The following CDKN2A variants were observed in gnomAD, a reference collection of about 807,000 sequenced individuals.
CDKN2A encodes the protein cyclin dependent kinase inhibitor 2A, also known as cyclin-dependent kinase inhibitor 2A.
In CDKN2A, 3 loss-of-function variants were observed where a neutral mutation model predicts 11.1. The observed-to-expected ratio is 0.27, with a 90% CI of 0.12 to 0.70. CDKN2A has a LOEUF of 0.70. CDKN2A is among the 30% of genes least tolerant of loss of function. CDKN2A has a pLI of 0.77. For synonymous variants in CDKN2A, 122 were observed against 108.1 expected, an observed-to-expected ratio of 1.13 and a Z score of -0.80; for missense variants, 265 against 233.6, an observed-to-expected ratio of 1.13 and a Z score of -0.88.
chr9:21,978,176 G>C (rs574382131), upstream of CDKN2A, among the ~76,000 whole-genome samples: 102 of 150,968 alleles, frequency 6.8e-4, no homozygotes, highest in African/African-American at 2.5e-3. Context: ...TAAATGATGA[G>C]TTGATGGGTG....
upstream of CDKN2A, among the ~76,000 whole-genome samples, chr9:21,977,580 T>C (rs3731234): frequency 6.6e-6 from 1 of 152,052 alleles, no homozygotes; most frequent in Non-Finnish European, 1.5e-5. Flanking sequence ...TGGCTAGGCT[T>C]GTCTCGAACT....
At chr9:21,989,554 G>T (rs1259210323) in intron 2 of CDKN2A, 3 of 152,152 alleles carry the variant, frequency 2.0e-5, no homozygotes, top group African/African-American at 4.8e-5. Flanking sequence ...TCTCCATCTG[G>T]CTTGGAAGGG....
intron 1 of CDKN2A, chr9:21,994,518 C>CCCCACCCCACCCCCACT: frequency 7.6e-7 from 1 of 1,323,794 alleles, no homozygotes; most frequent in Non-Finnish European, 1.0e-6. Context: ...TCACCCCCAC[C>CCCCACCCCACCCCCACT]CCCACCCCAC....
chr9:21,980,008 G>A (rs887705935), intron 2 of CDKN2A, among the ~76,000 whole-genome samples: 25 of 152,116 alleles, frequency 1.6e-4, no homozygotes, highest in South Asian at 1.5e-3. Context: ...GTTCTGATGC[G>A]GCATTGTAGG....
chr9:21,974,344 CTTT>C lies in CDKN2A; in HGVS notation c.150+331_150+333del. 7.0e-7 allele frequency: 1 copy of C among 1,423,596 alleles called. No individual in the cohort carries two copies. Among genetic ancestry groups the C allele is most frequent in the Non-Finnish European group, 9.4e-7 (1 of 1,067,586 alleles). 88.2% of individuals were successfully genotyped at this position (1,423,596 alleles called of 1,614,324 possible). The stretch of plus-strand genomic sequence containing the variant: ...AGTAGTCCCAGCACATCTTACATTT[CTTT>C]AAGACTCCCTTTTTATCCCAAACGT... On this transcript the variant is annotated intron_variant, in intron 1 of 2. Transcript: ENST00000304494. The surrounding 1 kb of genome is among the most constrained non-coding windows in gnomAD (Gnocchi z 5.2).
Position 21,971,575 on chromosome 9 carries a change from A to ATTTTTTTTTTTTTTTTTTTTTTTTT in CDKN2A, c.151-368_151-367insAAAAAAAAAAAAAAAAAAAAAAAAA, listed in dbSNP as rs59981968. ...TCCTGAAATTATGTTAGGCCTGGAG[A>ATTTTTTTTTTTTTTTTTTTTTTTTT]TTTTTTTTTTTTTTTTTGTTCACTG... On this transcript the variant is annotated intron_variant, in intron 1 of 2. Transcript: ENST00000304494. 2.3e-3 allele frequency among the ~76,000 whole-genome samples: 258 copies of ATTTTTTTTTTTTTTTTTTTTTTTTT among 111,322 alleles called. 14 individuals carry two copies. Among genetic ancestry groups the ATTTTTTTTTTTTTTTTTTTTTTTTT allele is most frequent in the African/African-American group, 6.7e-3 (154 of 22,882 alleles). 73.0% of individuals were successfully genotyped at this position (111,322 alleles called of 152,430 possible).
chr9:21,975,537 C>T (rs1001915360), upstream of CDKN2A, among the ~76,000 whole-genome samples: 1 of 152,106 alleles, frequency 6.6e-6, no homozygotes, highest in Non-Finnish European at 1.5e-5. Flanking sequence ...CAAAGGATTC[C>T]TTTTGGAGAG....
At chr9:21,975,038 A>T, upstream of CDKN2A, 2 of 1,375,710 alleles carry the variant, frequency 1.5e-6, no homozygotes, top group Non-Finnish European at 1.9e-6. Context: ...TGCTCGGAGG[A>T]GGTGCTATTA....
rs3731201 is a variant in CDKN2A, at chr9:21,988,897, C to T, written c.-4+4985G>A. Among the ~76,000 whole-genome samples the T allele has an allele frequency of 0.86, 131,259 of 152,240 alleles. 56,651 individuals carry two copies. The highest frequency in any genetic ancestry group is 0.98 in the East Asian group (5,075 of 5,186). ...AGAGACTCTAAGTATTTGCCATTCCCTTTAGATGGAAACGTTCTTTGGTCC... is the reference window on the plus strand; with the variant it reads ...AGAGACTCTAAGTATTTGCCATTCCTTTTAGATGGAAACGTTCTTTGGTCC... On this transcript the variant is annotated intron_variant, in intron 2 of 3. Transcript: ENST00000494262. The surrounding 1 kb of genome is among the most constrained non-coding windows in gnomAD (Gnocchi z 4.1).
chr9:21,979,596 G>A (rs1235842615), upstream of CDKN2A, among the ~76,000 whole-genome samples: 2 of 152,196 alleles, frequency 1.3e-5, no homozygotes, highest in Admixed American at 1.3e-4. Flanking sequence ...GGGAGAAAAG[G>A]TCAGAACGGG....
At chr9:21,993,408 T>C (rs548578901) in intron 2 of CDKN2A, among the ~76,000 whole-genome samples, 1 of 152,348 alleles carries the variant, frequency 6.6e-6, no homozygotes, top group East Asian at 1.9e-4. Flanking sequence ...ACTAAAATAC[T>C]ATCAGTTGGG....
intron 2 of CDKN2A, among the ~76,000 whole-genome samples, chr9:21,992,835 T>A (rs1019891771): frequency 2.0e-5 from 3 of 151,470 alleles, no homozygotes; most frequent in African/African-American, 7.3e-5. Context: ...GATAAACCAC[T>A]GTTAAAAAAA....
At position 21,988,686 on chromosome 9, in the gene CDKN2A, C is replaced by G. The variant is rs747993041; in HGVS notation, c.-4+5196G>C. Among the ~76,000 whole-genome samples, 4 of 152,092 alleles carry G rather than the reference C, an allele frequency of 2.6e-5. No individual in the cohort carries two copies. The highest frequency in any genetic ancestry group is 4.4e-5 in the Non-Finnish European group (3 of 68,018). On this transcript the variant is annotated intron_variant, in intron 2 of 3. Transcript: ENST00000494262. This position sits in a 1 kb window ranked among gnomAD's most constrained non-coding sequence, Gnocchi z 4.1. ...TACTTGAGTGACAGATTCAGTCGTACTCGAAACCTCAGCATGGTGCAATAT... is the reference window on the plus strand; with the variant it reads ...TACTTGAGTGACAGATTCAGTCGTAGTCGAAACCTCAGCATGGTGCAATAT...
intron 2 of CDKN2A, chr9:21,993,796 C>G (rs1820499478): frequency 3.1e-6 from 1 of 326,986 alleles, no homozygotes; most frequent in African/African-American, 2.5e-5. Flanking sequence ...TACACCTTTC[C>G]TACTGTGTGT....
intron 2 of CDKN2A, among the ~76,000 whole-genome samples, chr9:21,985,836 T>A (rs1820287032): frequency 6.6e-6 from 1 of 151,870 alleles, no homozygotes; most frequent in Non-Finnish European, 1.5e-5. Flanking sequence ...ATACCAGGAG[T>A]CTGAATACAT....
rs1819521641 is a variant in CDKN2A at position 21,968,516 on chromosome 9, G to C, written c.458-274C>G. 10 of 1,451,152 alleles carry C rather than the reference G, an allele frequency of 6.9e-6. No individual in the cohort carries two copies. Among genetic ancestry groups the C allele is most frequent in the Non-Finnish European group, 2.7e-6 (3 of 1,109,388 alleles). The allele number at this position is 1,451,152 out of a possible 1,614,324, so 89.9% of individuals were successfully genotyped here. A position where few individuals can be genotyped will look rare whatever the true frequency, so the allele number is the denominator to read the frequency against. On this transcript the variant is annotated intron_variant, in intron 2 of 2. Transcript: ENST00000304494. This position sits in a 1 kb window ranked among gnomAD's most constrained non-coding sequence, Gnocchi z 4.7. Reference sequence around the variant, plus strand: ...AGGGCAGAGAAAGCGCGACCGCGCGGCCCGCAGGGTTGCAAGAAGAAAACG... The same window carrying C: ...AGGGCAGAGAAAGCGCGACCGCGCGCCCCGCAGGGTTGCAAGAAGAAAACG...
At chr9:21,969,381 G>A (rs1587327543) in intron 2 of CDKN2A, among the ~76,000 whole-genome samples, 1 of 152,102 alleles carries the variant, frequency 6.6e-6, no homozygotes, top group Non-Finnish European at 1.5e-5. Context: ...GATCGACTCT[G>A]TCTCCAAATG....
At position 21,974,383 on chromosome 9, in the gene CDKN2A, T is replaced by G; in HGVS notation, c.150+295A>C. 1 of 1,559,030 alleles carries G rather than the reference T, an allele frequency of 6.4e-7. No homozygotes were observed. The highest frequency in any genetic ancestry group is 8.7e-7 in the Non-Finnish European group (1 of 1,149,556). Reference sequence around the variant, plus strand: ...TTTTATCCCAAACGTTCGTAAATTTTGTATCTGATAAAGAGCATACTTCCA... The same window carrying G: ...TTTTATCCCAAACGTTCGTAAATTTGGTATCTGATAAAGAGCATACTTCCA... On this transcript the variant is annotated intron_variant, in intron 1 of 2. Transcript: ENST00000304494. This position sits in a 1 kb window ranked among gnomAD's most constrained non-coding sequence, Gnocchi z 5.2.
intron 2 of CDKN2A, among the ~76,000 whole-genome samples, chr9:21,987,396 A>AACACACAC (rs375380204): frequency 0.02 from 1,755 of 89,774 alleles, 14 homozygotes; most frequent in Non-Finnish European, 0.023. Context: ...CCCTTATTAC[A>AACACACAC]ACACACACAC....
Sources: allele counts gnomAD v4.1 joint callset (sites outside exome capture counted in the v4.1 genomes callset), GRCh38; gene constraint gnomAD v4.1.1; non-coding constraint Gnocchi (gnomAD v3.1); transcripts MANE v1.5; gene names NCBI Gene and HGNC (gene_info 2026-07-23, HGNC 2026-07-21).